NELL1: variants seen among roughly 807,000 people sequenced by gnomAD.
NELL1 encodes neural EGFL like 1.
NELL1 carries 76 observed loss-of-function variants against 107.4 expected under a neutral mutation model. The observed-to-expected ratio is 0.71, with a 90% CI of 0.59 to 0.86. The LOEUF is 0.86. Among genes scored for constraint, NELL1 ranks in the 40% least tolerant of loss-of-function variants. The probability of loss-of-function intolerance (pLI) is 0.00; values close to 1 mark genes in which losing one functional copy is unlikely to be tolerated. For synonymous variants in NELL1, 353 were observed against 341.2 expected, an observed-to-expected ratio of 1.03 and a Z score of -0.38; for missense variants, 1,024 against 1,005.5, an observed-to-expected ratio of 1.02 and a Z score of -0.25.
chr11:21,038,215 A>T (rs1306408425), intron 12 of NELL1, among the ~76,000 whole-genome samples: 1 of 152,150 alleles, frequency 6.6e-6, no homozygotes, highest in Non-Finnish European at 1.5e-5. Flanking sequence ...TGAAGGTCAT[A>T]TTGCCTTATT....
chr11:21,439,115 G>C (rs146405576), intron 15 of NELL1, among the ~76,000 whole-genome samples: 131 of 151,604 alleles, frequency 8.6e-4, no homozygotes, highest in African/African-American at 3.0e-3. Flanking sequence ...GAGAAAACAG[G>C]AACAATCCAC....
intron 3 of NELL1, among the ~76,000 whole-genome samples, chr11:20,799,861 C>T (rs746545711): frequency 3.9e-4 from 59 of 152,248 alleles, no homozygotes; most frequent in South Asian, 1.0e-3. Context: ...CCCCTCTCTC[C>T]TTCCTCCTTC....
chr11:20,958,706 T>A (rs893888699), intron 11 of NELL1, among the ~76,000 whole-genome samples: 4 of 152,146 alleles, frequency 2.6e-5, no homozygotes, highest in African/African-American at 4.8e-5. Context: ...AAGGCTATAT[T>A]AGGAAGAAAA....
At chr11:21,450,114 C>T (rs1485919565) in intron 15 of NELL1, among the ~76,000 whole-genome samples, 1 of 152,132 alleles carries the variant, frequency 6.6e-6, no homozygotes, top group Non-Finnish European at 1.5e-5. Flanking sequence ...TAGGTTACTT[C>T]TGAAAGATTA....
At chr11:21,349,694 G>T (rs569253271) in intron 14 of NELL1, among the ~76,000 whole-genome samples, 2 of 151,972 alleles carry the variant, frequency 1.3e-5, no homozygotes, top group Admixed American at 6.6e-5. Context: ...TCTGTGGATA[G>T]AGAGACCTTT....
chr11:20,723,556 C>T (rs926280220), intron 2 of NELL1, among the ~76,000 whole-genome samples: 10 of 152,112 alleles, frequency 6.6e-5, no homozygotes, highest in African/African-American at 2.4e-4. Context: ...GGCAGCTGCA[C>T]CCGTGAAGCT....
At chr11:21,385,885 T>C (rs1851734119) in intron 15 of NELL1, among the ~76,000 whole-genome samples, 1 of 151,858 alleles carries the variant, frequency 6.6e-6, no homozygotes, top group South Asian at 2.1e-4. Flanking sequence ...TTGCTCTAGC[T>C]GGAACTCTTT....
chr11:20,688,830 C>A (rs984539661), intron 2 of NELL1, among the ~76,000 whole-genome samples: 5 of 152,280 alleles, frequency 3.3e-5, no homozygotes, highest in African/African-American at 1.2e-4. Context: ...GCTTTCCAGA[C>A]TGGCTGCACT....
At chr11:21,530,476 A>G (rs968621950) in intron 15 of NELL1, among the ~76,000 whole-genome samples, 10 of 152,282 alleles carry the variant, frequency 6.6e-5, no homozygotes, top group Non-Finnish European at 1.3e-4. Context: ...TGCTTAGGAT[A>G]CATTTTATGA....
intron 15 of NELL1, among the ~76,000 whole-genome samples, chr11:21,422,912 C>T (rs1349325554): frequency 6.6e-6 from 1 of 151,878 alleles, no homozygotes; most frequent in Admixed American, 6.6e-5. Context: ...GTTTTTTAAA[C>T]AAAACATGAT....
chr11:20,992,514 G>C (rs1428626350), intron 12 of NELL1, among the ~76,000 whole-genome samples: 1 of 152,100 alleles, frequency 6.6e-6, no homozygotes, highest in Non-Finnish European at 1.5e-5. Context: ...GTGGGTTCTA[G>C]TTCTGTTCAT....
intron 12 of NELL1, among the ~76,000 whole-genome samples, chr11:21,028,881 T>G (rs1395816064): frequency 6.6e-6 from 1 of 152,186 alleles, no homozygotes; most frequent in African/African-American, 2.4e-5. Context: ...TTTATTTGTA[T>G]ATTGCCCTTA....
At chr11:21,173,304 C>T (rs4587727) in intron 13 of NELL1, among the ~76,000 whole-genome samples, 42,197 of 151,630 alleles carry the variant, frequency 0.28, 6,250 homozygotes, top group Middle Eastern at 0.35. Context: ...ATTATAGACT[C>T]TGGCACATTT....
rs1024019463 is a variant in NELL1, at chr11:21,237,488, G to A, written c.1549+8034G>A. Among the ~76,000 whole-genome samples, 11 of 151,790 alleles carry A rather than the reference G, an allele frequency of 7.2e-5. No individual in the cohort carries two copies. The East Asian group carries it at 1.9e-3, about 27-fold the overall frequency. ...CCTCTTCTCTTTAGTTTTATAATTCGATCTTTTTTTCTCTTGTTAGAATGC... is the reference window on the plus strand; with the variant it reads ...CCTCTTCTCTTTAGTTTTATAATTCAATCTTTTTTTCTCTTGTTAGAATGC... On this transcript the variant is annotated intron_variant, in intron 14 of 19. Transcript: ENST00000357134.
chr11:21,281,514 G>A (rs1305540076), intron 14 of NELL1, among the ~76,000 whole-genome samples: 2 of 152,136 alleles, frequency 1.3e-5, no homozygotes, highest in Admixed American at 6.5e-5. Flanking sequence ...AAGCCTGGCT[G>A]GCTTCACTAT....
At chr11:21,267,555 C>T (rs1590787677) in intron 14 of NELL1, among the ~76,000 whole-genome samples, 2 of 151,988 alleles carry the variant, frequency 1.3e-5, no homozygotes, top group South Asian at 2.1e-4. Flanking sequence ...CTTTATTTGG[C>T]CAACTACTTT....
chr11:20,697,573 C>G (rs1792988), intron 2 of NELL1, among the ~76,000 whole-genome samples: 1 of 152,080 alleles, frequency 6.6e-6, no homozygotes, highest in Non-Finnish European at 1.5e-5. Flanking sequence ...ACCTGTTTGC[C>G]TTCTAGGCTT....
intron 15 of NELL1, among the ~76,000 whole-genome samples, chr11:21,467,692 GTAT>G (rs1854066779): frequency 6.6e-6 from 1 of 151,954 alleles, no homozygotes; most frequent in African/African-American, 2.4e-5. Context: ...TCAAGATTAT[GTAT>G]ATAGGAAGTT....
chr11:21,201,978 G>A (rs371799633), intron 13 of NELL1, among the ~76,000 whole-genome samples: 13 of 152,134 alleles, frequency 8.5e-5, no homozygotes, highest in East Asian at 7.7e-4. Flanking sequence ...GGGTGAAGCC[G>A]ACTTGATCGT....
Sources: gnomAD v4.1 joint callset for allele counts (sites outside exome capture counted in the v4.1 genomes callset) on GRCh38, gnomAD v4.1.1 for gene constraint, MANE v1.5 for transcripts, NCBI Gene and HGNC (gene_info 2026-07-23, HGNC 2026-07-21) for gene names.